ESRP1: variants seen among roughly 807,000 people sequenced by gnomAD.
ESRP1 encodes RNA-binding motif protein 35A.
A neutral mutation model predicts 81.7 loss-of-function variants in ESRP1; 33 were observed. The ratio of observed to expected loss-of-function variants is 0.40; its 90% confidence interval spans 0.31 to 0.54. The LOEUF (loss-of-function observed/expected upper bound fraction) is 0.54. Among genes scored for constraint, ESRP1 ranks in the 20% least tolerant of loss-of-function variants. The pLI, the probability that ESRP1 is intolerant of heterozygous loss-of-function variation, is 0.41. For missense variants in ESRP1, 672 were observed against 833.1 expected, an observed-to-expected ratio of 0.81 and a Z score of 2.38; for synonymous variants, 320 against 303.3, an observed-to-expected ratio of 1.06 and a Z score of -0.57.
intron 11 of ESRP1, among the ~76,000 whole-genome samples, chr8:94,672,026 C>T (rs1303783940): frequency 9.9e-5 from 15 of 152,116 alleles, no homozygotes; most frequent in South Asian, 4.1e-4. Flanking sequence ...TTATCAATAG[C>T]GTCAAGTAGG....
chr8:94,699,207 C>T (rs1246962654), intron 15 of ESRP1, among the ~76,000 whole-genome samples: 1 of 152,130 alleles, frequency 6.6e-6, no homozygotes, highest in Non-Finnish European at 1.5e-5. Context: ...TTACTCACCA[C>T]CTCTAGTTTT....
intron 10 of ESRP1, among the ~76,000 whole-genome samples, chr8:94,668,532 T>G (rs1400267936): frequency 6.6e-6 from 1 of 152,208 alleles, no homozygotes; most frequent in Non-Finnish European, 1.5e-5. Flanking sequence ...CTGAAAAGTT[T>G]CATCTTTAAA....
intron 4 of ESRP1, chr8:94,646,574 T>C (rs980629498): frequency 5.1e-6 from 1 of 197,794 alleles, no homozygotes; most frequent in African/African-American, 2.3e-5. Context: ...AGAAAGAACA[T>C]GAAGACTTTA....
chr8:94,657,472 C>CGCGT (rs1818486179), intron 4 of ESRP1, among the ~76,000 whole-genome samples: 1 of 146,156 alleles, frequency 6.8e-6, no homozygotes, highest in Non-Finnish European at 1.5e-5. Flanking sequence ...AGGCTGTGTG[C>CGCGT]GTGTGTGTGT....
chr8:94,641,476 T>A (rs2130514693), intron 1 of ESRP1, 26 bp downstream of exon 1: 1 of 1,613,510 alleles, frequency 6.2e-7, no homozygotes, highest in East Asian at 2.2e-5. Flanking sequence ...TTCGTCTAAA[T>A]GCAAGGAATG....
intron 13 of ESRP1, among the ~76,000 whole-genome samples, chr8:94,679,544 G>A (rs1808785605): frequency 6.6e-6 from 1 of 152,186 alleles, no homozygotes; most frequent in Non-Finnish European, 1.5e-5. Flanking sequence ...TAGTGGTACA[G>A]GAAGGAGTTT....
intron 12 of ESRP1, 147 bp from the exon 13 acceptor site, chr8:94,678,056 C>A: frequency 2.6e-6 from 2 of 778,168 alleles, no homozygotes; most frequent in South Asian, 2.0e-5. Flanking sequence ...ACTGTATAAT[C>A]AAAAGGAAAT....
intron 4 of ESRP1, among the ~76,000 whole-genome samples, chr8:94,649,301 C>A (rs1438523239): frequency 6.6e-5 from 10 of 152,192 alleles, no homozygotes. Flanking sequence ...CCTGTCTTGG[C>A]CTCCCAAAAT....
intron 14 of ESRP1, among the ~76,000 whole-genome samples, 164 bp from the exon 15 acceptor site, chr8:94,696,688 A>C (rs901297744): frequency 1.3e-5 from 2 of 152,204 alleles, no homozygotes; most frequent in Non-Finnish European, 2.9e-5. Context: ...CATGTTAAGA[A>C]ATAAAGATTT....
At chr8:94,662,630 C>CA in intron 6 of ESRP1, 75 bp downstream of exon 6, 1 of 1,290,640 alleles carries the variant, frequency 7.7e-7, no homozygotes, top group African/African-American at 1.5e-5. Context: ...GTTTTTGAGA[C>CA]AGAGTCTTGC....
Position 94,664,741 on chromosome 8 carries a change from G to A in ESRP1, c.689G>A (p.Arg230Gln). ...LIDDNTVVRARGLPWQSSDQD... is the reference protein window; with the variant it reads ...LIDDNTVVRAQGLPWQSSDQD... ...GATGATAACACCGTAGTCAGGGCAC[G>A]AGGTTTACCATGGCAGTCTTCAGAT... The change falls in exon 7 of 16, where the codon CGA becomes CAA. Residue 230 changes from arginine to glutamine, a missense_variant. Coordinates refer to ENST00000433389, the MANE Select transcript of ESRP1 (RefSeq NM_017697.4). 1.2e-6 allele frequency: 2 copies of A among 1,613,960 alleles called. No homozygotes were observed. Among genetic ancestry groups the A allele is most frequent in the African/African-American group, 1.3e-5 (1 of 75,034 alleles).
intron 4 of ESRP1, 146 bp from the exon 5 acceptor site, chr8:94,662,126 A>G (rs1322954599): frequency 5.3e-6 from 3 of 564,906 alleles, no homozygotes; most frequent in Admixed American, 3.6e-5. Flanking sequence ...TGAATGACTG[A>G]CTGATGGGAG....
chr8:94,678,420 T>C, intron 13 of ESRP1, 49 bp downstream of exon 13: 1 of 1,585,918 alleles, frequency 6.3e-7, no homozygotes, highest in Non-Finnish European at 8.6e-7. Flanking sequence ...AAAGGACTCC[T>C]TTGATAGCCA....
At position 94,642,012 on chromosome 8, in the gene ESRP1, C is replaced by T. The variant is rs765780220; in HGVS notation, c.189C>T (p.Asp63=). The T allele has an allele frequency of 6.2e-7, 1 of 1,614,030 alleles. No homozygotes were observed. The highest frequency in any genetic ancestry group is 8.5e-7 in the Non-Finnish European group (1 of 1,179,894). Residue 63 remains aspartate (D), a synonymous_variant, in exon 2 of 16, where the codon GAC becomes GAT. Coordinates refer to ENST00000433389, the MANE Select transcript of ESRP1 (RefSeq NM_017697.4). ...VRPDQLELTE[D]CKEETKIDVE... is the part of the protein sequence containing the mutation. ...CGGATCAGTTGGAACTGACGGAGGACTGCAAAGAAGAAACTAAAATAGACG... is the reference window on the plus strand; with the variant it reads ...CGGATCAGTTGGAACTGACGGAGGATTGCAAAGAAGAAACTAAAATAGACG...
intron 4 of ESRP1, among the ~76,000 whole-genome samples, chr8:94,646,710 G>T (rs891384625): frequency 2.0e-4 from 30 of 152,192 alleles, no homozygotes; most frequent in African/African-American, 6.3e-4. Context: ...GCTGTTCACT[G>T]GTCCCGCTTT....
intron 14 of ESRP1, among the ~76,000 whole-genome samples, chr8:94,694,539 G>C (rs1005930447): frequency 6.6e-6 from 1 of 152,210 alleles, no homozygotes; most frequent in Non-Finnish European, 1.5e-5. Flanking sequence ...AGGAGGCTGA[G>C]GTTACAGTGA....
rs1480959165 is a variant in ESRP1, at chr8:94,706,660, C to T, written c.*771C>T. 11 of 152,642 alleles carry T rather than the reference C, an allele frequency of 7.2e-5. No homozygotes were observed. The highest frequency in any genetic ancestry group is 2.4e-4 in the African/African-American group (10 of 41,528). The allele number at this position is 152,642 out of a possible 1,614,324, so 9.5% of individuals were successfully genotyped here. A position where few individuals can be genotyped will look rare whatever the true frequency, so the allele number is the denominator to read the frequency against. On this transcript the variant is annotated 3_prime_UTR_variant, in exon 16 of 16. Transcript: ENST00000433389. The stretch of plus-strand genomic sequence containing the variant: ...TGTAGTTAGTAATTTCTAGTTTGAA[C>T]TGTAATTGAATATTGTGGCTTCATA...
intron 4 of ESRP1, chr8:94,646,555 G>C: frequency 4.4e-6 from 1 of 229,812 alleles, no homozygotes; most frequent in Non-Finnish European, 8.4e-6. Flanking sequence ...TAATGTGTGT[G>C]TGTGCTGCAG....
intron 13 of ESRP1, among the ~76,000 whole-genome samples, chr8:94,683,236 G>A (rs897238418): frequency 1.3e-5 from 2 of 151,778 alleles, no homozygotes; most frequent in Non-Finnish European, 2.9e-5. Flanking sequence ...AAGCCACCGC[G>A]CCCGGCCTAT....
Sources: gnomAD v4.1 joint callset for allele counts (sites outside exome capture counted in the v4.1 genomes callset) on GRCh38, gnomAD v4.1.1 for gene constraint, MANE v1.5 for transcripts, NCBI Gene and HGNC (gene_info 2026-07-23, HGNC 2026-07-21) for gene names.